The following BPIFC variants were observed in gnomAD, a reference collection of about 807,000 sequenced individuals.
BPIFC encodes the protein BPI fold-containing family C protein.
Under a neutral mutation model 57.6 loss-of-function variants are expected in BPIFC, and 60 were observed. The observed-to-expected ratio is 1.04, with a 90% CI of 0.85 to 1.29. The LOEUF (loss-of-function observed/expected upper bound fraction) is 1.29. Ranked by LOEUF, BPIFC falls within the 50% of genes most tolerant of loss-of-function variation. The probability of loss-of-function intolerance (pLI) is 0.00; values close to 1 mark genes in which losing one functional copy is unlikely to be tolerated. For synonymous variants in BPIFC, 243 were observed against 224.5 expected (o/e 1.08, Z -0.74); for missense variants, 581 against 600.5 (o/e 0.97, Z 0.34).
chr22:32,438,114 G>T (rs927564943), intron 8 of BPIFC, among the ~76,000 whole-genome samples: 1 of 152,174 alleles, frequency 6.6e-6, no homozygotes, highest in Non-Finnish European at 1.5e-5. Flanking sequence ...CCCCTTATCT[G>T]CAGGGCATAT....
intron 7 of BPIFC, 106 bp from the exon 8 acceptor site, chr22:32,442,837 A>G: frequency 9.5e-7 from 1 of 1,049,620 alleles, no homozygotes; most frequent in South Asian, 1.4e-5. Flanking sequence ...GTTAGCAGTC[A>G]TTATCCCTTT....
chr22:32,447,153 T>C (rs966415712), intron 5 of BPIFC, 59 bp downstream of exon 5: 3 of 1,430,552 alleles, frequency 2.1e-6, no homozygotes, highest in African/African-American at 2.9e-5. Flanking sequence ...ATTTCTACAT[T>C]TTCCGTTTTT....
Position 32,463,584 on chromosome 22 carries a change from G to C in BPIFC, c.-89+790C>G, listed in dbSNP as rs576544341. ...AGCTTTGACTGACTCTGGAAAAACC[G>C]ATTAAGGGAGTAATGAATGAGTAAA... On this transcript the variant is annotated intron_variant, in intron 1 of 16. Coordinates refer to ENST00000300399, the MANE Select transcript of BPIFC (RefSeq NM_174932.3). Among the ~76,000 whole-genome samples the C allele has an allele frequency of 6.6e-5, 10 of 152,270 alleles. No homozygotes were observed. In the South Asian group the frequency reaches 1.7e-3, roughly 25 times the overall value.
intron 16 of BPIFC, 130 bp from the exon 17 acceptor site, chr22:32,414,555 C>A: frequency 8.4e-7 from 1 of 1,193,760 alleles, no homozygotes; most frequent in South Asian, 1.6e-5. Context: ...AGGCTGTCGC[C>A]CAGGCTGGAG....
chr22:32,451,865 A>C (rs2145960113), intron 4 of BPIFC, among the ~76,000 whole-genome samples: 1 of 152,160 alleles, frequency 6.6e-6, no homozygotes, highest in Middle Eastern at 3.4e-3. Context: ...CTCCCACTGG[A>C]CTTTAAGGGC....
At chr22:32,463,092 T>C (rs1441774845) in intron 1 of BPIFC, among the ~76,000 whole-genome samples, 1 of 152,168 alleles carries the variant, frequency 6.6e-6, no homozygotes, top group African/African-American at 2.4e-5. Flanking sequence ...GAATCCAAAA[T>C]TACAGGCAGG....
intron 13 of BPIFC, among the ~76,000 whole-genome samples, chr22:32,430,078 G>A (rs1934197443): frequency 6.6e-6 from 1 of 152,202 alleles, no homozygotes; most frequent in Non-Finnish European, 1.5e-5. Flanking sequence ...GGCACTTAGT[G>A]GTCAATGATC....
intron 13 of BPIFC, among the ~76,000 whole-genome samples, chr22:32,424,983 T>C (rs1156574701): frequency 6.6e-6 from 1 of 151,958 alleles, no homozygotes; most frequent in Non-Finnish European, 1.5e-5. Context: ...AGTTTCACCA[T>C]GTTGGCCAGG....
At chr22:32,430,293 TCA>T (rs1037276646) in intron 13 of BPIFC, among the ~76,000 whole-genome samples, 1 of 152,120 alleles carries the variant, frequency 6.6e-6, no homozygotes, top group Non-Finnish European at 1.5e-5. Context: ...ACAGACTGGA[TCA>T]CAGTCATAGA....
At chr22:32,460,024 G>C (rs1935130436) in intron 2 of BPIFC, among the ~76,000 whole-genome samples, 1 of 152,134 alleles carries the variant, frequency 6.6e-6, no homozygotes, top group Non-Finnish European at 1.5e-5. Context: ...GGCCGAAGTA[G>C]GTGAGAGGTT....
rs952204682 is a variant in BPIFC, at chr22:32,423,349, C to T, written c.1218-3945G>A. Among the ~76,000 whole-genome samples the T allele has an allele frequency of 2.6e-5, 4 of 152,150 alleles. No individual in the cohort carries two copies. The East Asian group carries it at 7.7e-4, about 29-fold the overall frequency. On this transcript the variant is annotated intron_variant, in intron 13 of 16. Coordinates refer to ENST00000300399, the MANE Select transcript of BPIFC (RefSeq NM_174932.3). Reference sequence around the variant, plus strand: ...GGGTTTCCTCCTCTGGCAGGGGCTACCCCACTGTGGCATTCTTCTGCCATG... The same window carrying T: ...GGGTTTCCTCCTCTGGCAGGGGCTATCCCACTGTGGCATTCTTCTGCCATG...
At chr22:32,445,364 C>T (rs1286124042) in intron 7 of BPIFC, among the ~76,000 whole-genome samples, 1 of 152,096 alleles carries the variant, frequency 6.6e-6, no homozygotes, top group Non-Finnish European at 1.5e-5. Flanking sequence ...AGTGAAACCC[C>T]GTCTCTACTA....
In BPIFC at chr22:32,419,345, A is replaced by G. The variant is rs1355559529; in HGVS notation, c.1260+17T>C. ...GTTCTTCCAGTGCTTGGTAACCCCA[A>G]GAGCTCAGATTCCTACCTCAATGTT... is the stretch of plus-strand genomic sequence containing the variant. On this transcript the variant is annotated intron_variant, in intron 14 of 16. Coordinates refer to ENST00000300399, the MANE Select transcript of BPIFC (RefSeq NM_174932.3). The G allele has an allele frequency of 6.2e-7, 1 of 1,609,808 alleles. No homozygotes were observed.
At chr22:32,460,412 A>T (rs1180773061) in intron 2 of BPIFC, among the ~76,000 whole-genome samples, 2 of 152,174 alleles carry the variant, frequency 1.3e-5, no homozygotes, top group Non-Finnish European at 2.9e-5. Flanking sequence ...GTGAATGCTT[A>T]TGTGGGTATT....
chr22:32,459,314 A>G (rs1935109274), intron 2 of BPIFC, among the ~76,000 whole-genome samples: 1 of 152,108 alleles, frequency 6.6e-6, no homozygotes, highest in South Asian at 2.1e-4. Flanking sequence ...GGACTGCTTG[A>G]GCCCAGGAGT....
At chr22:32,457,993 C>T (rs1183607033) in intron 2 of BPIFC, among the ~76,000 whole-genome samples, 1 of 152,182 alleles carries the variant, frequency 6.6e-6, no homozygotes, top group Non-Finnish European at 1.5e-5. Flanking sequence ...TCGGCCATTG[C>T]TCCTTTCTGG....
intron 12 of BPIFC, 33 bp from the exon 13 acceptor site, chr22:32,431,447 G>T (rs762564851): frequency 1.7e-6 from 2 of 1,202,102 alleles, no homozygotes; most frequent in Non-Finnish European, 2.4e-6. Context: ...TTATTAAGAC[G>T]AGTGAGTGTC....
chr22:32,460,756 A>G (rs1049706067), intron 2 of BPIFC, among the ~76,000 whole-genome samples: 1 of 152,190 alleles, frequency 6.6e-6, no homozygotes, highest in Non-Finnish European at 1.5e-5. Context: ...CCCTTGATCA[A>G]AATACATATT....
intron 16 of BPIFC, among the ~76,000 whole-genome samples, 157 bp from the exon 17 acceptor site, chr22:32,414,582 T>C (rs2145904577): frequency 6.6e-6 from 1 of 152,228 alleles, no homozygotes; most frequent in Admixed American, 6.5e-5. Context: ...GGTGCGATCT[T>C]GGCTCACTGC....
Sources: gnomAD v4.1 joint callset for allele counts (sites outside exome capture counted in the v4.1 genomes callset) on GRCh38, gnomAD v4.1.1 for gene constraint, MANE v1.5 for transcripts, NCBI Gene and HGNC (gene_info 2026-07-23, HGNC 2026-07-21) for gene names.